Variants in PPFIBP2 observed in about 807,000 individuals in gnomAD.
PPFIBP2 encodes the protein liprin-beta-2.
PPFIBP2 carries 118 observed loss-of-function variants against 118.3 expected under a neutral mutation model. The observed-to-expected ratio is 1.00, with a 90% CI of 0.86 to 1.16. The LOEUF is 1.16. Ranked by LOEUF, PPFIBP2 falls within the 50% of genes most tolerant of loss-of-function variation. PPFIBP2 has a pLI of 0.00. For synonymous variants in PPFIBP2, 414 were observed against 397.4 expected (o/e 1.04, Z -0.50); for missense variants, 1,195 against 1,073.1 (o/e 1.11, Z -1.59).
intron 3 of PPFIBP2, among the ~76,000 whole-genome samples, chr11:7,590,216 G>A (rs554333207): frequency 2.0e-4 from 31 of 152,318 alleles, no homozygotes; most frequent in Non-Finnish European, 4.3e-4. Flanking sequence ...CCTGGCCTAT[G>A]CCCTTCTGAA....
intron 3 of PPFIBP2, among the ~76,000 whole-genome samples, chr11:7,569,302 C>G (rs1200790330): frequency 6.6e-6 from 1 of 152,178 alleles, no homozygotes; most frequent in Non-Finnish European, 1.5e-5. Flanking sequence ...AGGACTTTGC[C>G]TGGAGATGGG....
intron 3 of PPFIBP2, among the ~76,000 whole-genome samples, chr11:7,588,267 G>A (rs1418577624): frequency 6.6e-6 from 1 of 152,146 alleles, no homozygotes; most frequent in African/African-American, 2.4e-5. Context: ...CTTATGTGGG[G>A]ACTTAACTAT....
intron 12 of PPFIBP2, 54 bp downstream of exon 12, chr11:7,632,988 G>T: frequency 6.6e-7 from 1 of 1,514,462 alleles, no homozygotes. Flanking sequence ...CTTGCCTTGG[G>T]GCTGCCGAAG....
chr11:7,628,498 A>T (rs1392520916), intron 9 of PPFIBP2, 152 bp downstream of exon 9: 2 of 759,968 alleles, frequency 2.6e-6, no homozygotes, highest in African/African-American at 1.8e-5. Flanking sequence ...CCTTCTAGAG[A>T]CTTGGCCTCA....
intron 5 of PPFIBP2, among the ~76,000 whole-genome samples, chr11:7,602,254 C>T (rs1359112435): frequency 6.6e-6 from 1 of 152,162 alleles, no homozygotes; most frequent in Admixed American, 6.5e-5. Flanking sequence ...AGGCATTGCT[C>T]AGCTGCACAG....
intron 2 of PPFIBP2, among the ~76,000 whole-genome samples, chr11:7,558,270 A>G (rs1255149248): frequency 6.6e-6 from 1 of 152,220 alleles, no homozygotes; most frequent in Non-Finnish European, 1.5e-5. Context: ...GGAATTGTGT[A>G]CTGGCTCTTA....
chr11:7,630,924 G>A lies in PPFIBP2; in HGVS notation c.965-1G>A. On this transcript the variant is annotated splice_acceptor_variant, in intron 10 of 23. Transcript: ENST00000299492. LOFTEE classifies it high-confidence loss of function. ...CAGTCTTACTACCTTAATGCTTGCA[G>A]GGCCTTCGGAGAGAACTCTCTCAAT... 6.2e-7 allele frequency: 1 copy of A among 1,612,620 alleles called. No individual in the cohort carries two copies. Among genetic ancestry groups the A allele is most frequent in the Non-Finnish European group, 8.5e-7 (1 of 1,178,646 alleles).
chr11:7,525,155 T>G (rs898364589), intron 1 of PPFIBP2, among the ~76,000 whole-genome samples: 4 of 152,192 alleles, frequency 2.6e-5, no homozygotes, highest in Admixed American at 2.0e-4. Flanking sequence ...GGACTTGGCC[T>G]CCCTAACTCC....
chr11:7,660,212 T>TC (rs1314424574), downstream of PPFIBP2, among the ~76,000 whole-genome samples: 1 of 127,914 alleles, frequency 7.8e-6, no homozygotes, highest in African/African-American at 2.5e-5. Context: ...AGAGAGGGCA[T>TC]CCCTGTCTTG....
chr11:7,585,102 T>C (rs927415836), intron 3 of PPFIBP2, among the ~76,000 whole-genome samples: 1 of 152,238 alleles, frequency 6.6e-6, no homozygotes, highest in Admixed American at 6.5e-5. Flanking sequence ...AGAGCCATCA[T>C]ATAATTTAAC....
chr11:7,657,506 G>A (rs1354317656), downstream of PPFIBP2, among the ~76,000 whole-genome samples: 1 of 152,164 alleles, frequency 6.6e-6, no homozygotes, highest in Non-Finnish European at 1.5e-5. Flanking sequence ...CTTGCCCTTG[G>A]AGCAGCTCAG....
chr11:7,516,582 G>T (rs1849246693), intron 1 of PPFIBP2, among the ~76,000 whole-genome samples: 1 of 152,086 alleles, frequency 6.6e-6, no homozygotes, highest in Admixed American at 6.5e-5. Flanking sequence ...CTGTTTTAAC[G>T]AGCGCCTGGG....
At chr11:7,664,689 C>G in the PPFIBP2 span, among the ~76,000 whole-genome samples, 1 of 152,072 alleles carries the variant, frequency 6.6e-6, no homozygotes, top group African/African-American at 2.4e-5. Context: ...CCTTGGGAGC[C>G]AGGCCCTGGA....
chr11:7,663,823 C>A, the PPFIBP2 span, among the ~76,000 whole-genome samples: 3 of 152,162 alleles, frequency 2.0e-5, no homozygotes, highest in South Asian at 2.1e-4. Context: ...ATGACCCTCC[C>A]AGCCAGGTGC....
At chr11:7,530,046 T>C (rs937682050) in intron 1 of PPFIBP2, among the ~76,000 whole-genome samples, 1 of 152,230 alleles carries the variant, frequency 6.6e-6, no homozygotes, top group African/African-American at 2.4e-5. Context: ...ATCATGGTTG[T>C]TGTTTTTTTA....
chr11:7,662,309 C>T, the PPFIBP2 span, among the ~76,000 whole-genome samples: 3 of 152,066 alleles, frequency 2.0e-5, no homozygotes, highest in South Asian at 2.1e-4. Context: ...CCATGTTTAG[C>T]ACTTCCTTCA....
At chr11:7,632,468 A>G (rs2135773742) in intron 11 of PPFIBP2, 1 of 163,404 alleles carries the variant, frequency 6.1e-6, no homozygotes, top group East Asian at 1.7e-4. Context: ...ATTGAAAGCA[A>G]CAAAATTTGG....
At chr11:7,610,554 G>A in intron 6 of PPFIBP2, 132 bp downstream of exon 6, 1 of 1,277,580 alleles carries the variant, frequency 7.8e-7, no homozygotes. Flanking sequence ...GAGATGCAGT[G>A]ATCTGTTAAT....
chr11:7,589,916 G>A (rs1347567333), intron 3 of PPFIBP2, among the ~76,000 whole-genome samples: 2 of 152,210 alleles, frequency 1.3e-5, no homozygotes, highest in Non-Finnish European at 2.9e-5. Flanking sequence ...AAACAGAGAT[G>A]TGTCCTAACT....
Sources: allele counts gnomAD v4.1 joint callset (sites outside exome capture counted in the v4.1 genomes callset), GRCh38; gene constraint gnomAD v4.1.1; transcripts MANE v1.5; gene names NCBI Gene and HGNC (gene_info 2026-07-23, HGNC 2026-07-21).